DAB1: variants seen among roughly 807,000 people sequenced by gnomAD.
DAB1 encodes disabled homolog 1.
DAB1 carries 15 observed loss-of-function variants against 64.6 expected under a neutral mutation model. The ratio of observed to expected loss-of-function variants is 0.23; its 90% CI spans 0.16 to 0.36. The LOEUF (loss-of-function observed/expected upper bound fraction) is 0.36, where lower values mean the gene tolerates loss of function less well. DAB1 is among the 10% of genes least tolerant of loss of function. The pLI, the probability that DAB1 is intolerant of heterozygous loss-of-function variation, is 1.00. For synonymous variants in DAB1, 235 were observed against 251.9 expected (o/e 0.93, Z 0.64); for missense variants, 596 against 706.7 (o/e 0.84, Z 1.78).
At position 57,453,845 on chromosome 1, in the gene DAB1, T is replaced by C. The variant is rs142947366; in HGVS notation, n.626-162679A>G. ...TATAACTACTTATAGTAGACATTAC[T>C]TCTTTTTTTCTCCAAACACATGAAA... On this transcript the variant is annotated intron_variant and non_coding_transcript_variant, in intron 7 of 20. Coordinates refer to the DAB1 transcript ENST00000485760. 2.5e-3 allele frequency among the ~76,000 whole-genome samples: 374 copies of C among 152,218 alleles called. 1 individual carries two copies. The highest frequency in any genetic ancestry group is 6.6e-3 in the Admixed American group (101 of 15,288).
At chr1:57,140,620 A>G (rs1658505233) in intron 3 of DAB1, among the ~76,000 whole-genome samples, 1 of 152,230 alleles carries the variant, frequency 6.6e-6, no homozygotes, top group Admixed American at 6.5e-5. Flanking sequence ...CAAAATGAGA[A>G]TAATATTCAC....
intron 3 of DAB1, chr1:58,467,790 G>A (rs1443352159): frequency 2.0e-5 from 3 of 152,164 alleles, no homozygotes; most frequent in African/African-American, 4.8e-5. Flanking sequence ...AAAAGCGTAG[G>A]TATAATGAAC....
At chr1:57,696,107 G>A (rs552858581) in intron 6 of DAB1, among the ~76,000 whole-genome samples, 1 of 152,082 alleles carries the variant, frequency 6.6e-6, no homozygotes, top group South Asian at 2.1e-4. Flanking sequence ...TTCTGTTCAC[G>A]TATTTCACAG....
chr1:58,085,360 T>C (rs1246368831), intron 5 of DAB1, among the ~76,000 whole-genome samples: 1 of 152,198 alleles, frequency 6.6e-6, no homozygotes. Context: ...CAAAACATTA[T>C]GTATAACTTT....
intron 3 of DAB1, among the ~76,000 whole-genome samples, chr1:58,444,961 T>C (rs1645049509): frequency 6.6e-6 from 1 of 152,222 alleles, no homozygotes; most frequent in Admixed American, 6.5e-5. Context: ...TGGTTGTGTT[T>C]TTAGCAATTT....
At chr1:57,223,879 T>C (rs1325938104) in intron 2 of DAB1, among the ~76,000 whole-genome samples, 1 of 152,154 alleles carries the variant, frequency 6.6e-6, no homozygotes, top group Non-Finnish European at 1.5e-5. Flanking sequence ...TCCTGACACC[T>C]TGCTTCTGCA....
chr1:57,609,976 G>A (rs2101600129), intron 7 of DAB1, among the ~76,000 whole-genome samples: 1 of 152,316 alleles, frequency 6.6e-6, no homozygotes, highest in Middle Eastern at 3.4e-3. Flanking sequence ...CTGCAGGGAT[G>A]CATATTTCCT....
At chr1:57,411,447 T>C (rs971459813) in intron 1 of DAB1, among the ~76,000 whole-genome samples, 12 of 152,214 alleles carry the variant, frequency 7.9e-5, no homozygotes, top group African/African-American at 1.7e-4. Context: ...AATTTGCCCA[T>C]TGGGCAGCCA....
At chr1:58,498,159 A>T (rs1283592377) in intron 3 of DAB1, among the ~76,000 whole-genome samples, 1 of 152,120 alleles carries the variant, frequency 6.6e-6, no homozygotes, top group Non-Finnish European at 1.5e-5. Flanking sequence ...TGGGTGAAAA[A>T]TAGGGGCTCA....
At chr1:57,188,001 T>G (rs988591230) in intron 2 of DAB1, among the ~76,000 whole-genome samples, 3 of 152,144 alleles carry the variant, frequency 2.0e-5, no homozygotes, top group Non-Finnish European at 4.4e-5. Context: ...CCGCTGCTCA[T>G]GCAGGCAGGC....
chr1:58,132,448 T>C (rs551608230), intron 5 of DAB1, among the ~76,000 whole-genome samples: 234 of 152,324 alleles, frequency 1.5e-3, no homozygotes, highest in South Asian at 2.9e-3. Flanking sequence ...AGCTGTAGAC[T>C]GGAGCTGTTC....
intron 2 of DAB1, among the ~76,000 whole-genome samples, chr1:57,238,249 T>C (rs1451234443): frequency 1.3e-5 from 2 of 152,130 alleles, no homozygotes; most frequent in Non-Finnish European, 2.9e-5. Flanking sequence ...TGAGAAACTC[T>C]GGGATGGAGC....
chr1:58,038,425 A>AAGGAGAATGGCGTGAACCCGG (rs1557621254), intron 5 of DAB1, among the ~76,000 whole-genome samples: 2 of 152,212 alleles, frequency 1.3e-5, no homozygotes, highest in African/African-American at 4.8e-5. Flanking sequence ...ACAAACCTGT[A>AAGGAGAATGGCGTGAACCCGG]GTACTATCTT....
chr1:57,553,817 T>C (rs1644955996), intron 7 of DAB1, among the ~76,000 whole-genome samples: 1 of 152,032 alleles, frequency 6.6e-6, no homozygotes, highest in Non-Finnish European at 1.5e-5. Context: ...GGCAACAGGG[T>C]GCTCATTGGC....
intron 7 of DAB1, among the ~76,000 whole-genome samples, chr1:57,493,929 T>A (rs561720239): frequency 6.6e-6 from 1 of 152,310 alleles, no homozygotes; most frequent in Admixed American, 6.5e-5. Context: ...TCAGAGGCTT[T>A]GTGTGTATTT....
chr1:58,027,093 C>A (rs1570245715), intron 5 of DAB1, among the ~76,000 whole-genome samples: 1 of 152,200 alleles, frequency 6.6e-6, no homozygotes, highest in Admixed American at 6.5e-5. Flanking sequence ...AGGCCCAGAT[C>A]AGTAGAAATA....
At chr1:57,875,853 T>A (rs1327607763) in intron 1 of DAB1, among the ~76,000 whole-genome samples, 5 of 152,166 alleles carry the variant, frequency 3.3e-5, no homozygotes, top group Non-Finnish European at 7.4e-5. Context: ...AAAGTCAATA[T>A]GAAATTGATC....
intron 1 of DAB1, among the ~76,000 whole-genome samples, chr1:57,302,582 A>C (rs912513193): frequency 2.0e-5 from 3 of 152,056 alleles, no homozygotes; most frequent in Non-Finnish European, 4.4e-5. Context: ...TTTGAGGTGC[A>C]ACATGGGCAC....
At chr1:57,428,038 C>T (rs1685355750), upstream of DAB1, among the ~76,000 whole-genome samples, 1 of 152,192 alleles carries the variant, frequency 6.6e-6, no homozygotes, top group African/African-American at 2.4e-5. Context: ...CGTGGTGGCT[C>T]ATGCCTGTAA....
Sources: allele counts gnomAD v4.1 joint callset (sites outside exome capture counted in the v4.1 genomes callset), GRCh38; gene constraint gnomAD v4.1.1; transcripts MANE v1.5; gene names NCBI Gene and HGNC (gene_info 2026-07-23, HGNC 2026-07-21).